PPP6R3: variants seen among roughly 807,000 people sequenced by gnomAD.
The protein encoded by PPP6R3 is protein phosphatase 6 regulatory subunit 3.
In PPP6R3, 38 loss-of-function variants were observed where a neutral mutation model predicts 110.7. The observed-to-expected ratio is 0.34, with a 90% CI of 0.26 to 0.45. The LOEUF (loss-of-function observed/expected upper bound fraction) is 0.45. Ranked by LOEUF, PPP6R3 falls within the 20% of genes least tolerant of loss-of-function variation. PPP6R3 has a pLI of 1.00. For missense variants in PPP6R3, 870 were observed against 1,062.4 expected (o/e 0.82, Z 2.52); for synonymous variants, 369 against 373.5 (o/e 0.99, Z 0.14).
At chr11:68,589,004 C>T (rs1489835932) in intron 16 of PPP6R3, among the ~76,000 whole-genome samples, 5 of 151,794 alleles carry the variant, frequency 3.3e-5, no homozygotes, top group South Asian at 4.2e-4. Context: ...GTTAGGGGTT[C>T]GAGACCAGCC....
chr11:68,540,859 T>A (rs901020372), intron 3 of PPP6R3, among the ~76,000 whole-genome samples: 1 of 152,228 alleles, frequency 6.6e-6, no homozygotes, highest in African/African-American at 2.4e-5. Flanking sequence ...GTTATCTGTC[T>A]TGTTCCCTGA....
intron 7 of PPP6R3, among the ~76,000 whole-genome samples, chr11:68,556,046 A>G (rs2099398165): frequency 6.6e-6 from 1 of 152,230 alleles, no homozygotes; most frequent in Non-Finnish European, 1.5e-5. Context: ...TTATGTGATA[A>G]TATGTAATAT....
Position 68,588,040 on chromosome 11 carries a change from T to A in PPP6R3, c.1730+16T>A. On this transcript the variant is annotated intron_variant, in intron 16 of 23. Coordinates refer to ENST00000393800, the MANE Select transcript of PPP6R3 (RefSeq NM_001164161.2). ...ACATTGGCAAGTGAGTATGTTTTTC[T>A]GTTTCCGCTGTTGCTCTTGCACACC... The A allele has an allele frequency of 5.6e-6, 9 of 1,595,450 alleles. No individual in the cohort carries two copies. The highest frequency in any genetic ancestry group is 5.2e-6 in the Non-Finnish European group (6 of 1,163,004).
chr11:68,573,275 T>A (rs929853268), intron 12 of PPP6R3, among the ~76,000 whole-genome samples: 2 of 150,654 alleles, frequency 1.3e-5, no homozygotes, highest in Non-Finnish European at 3.0e-5. Context: ...CTCAGCCTCC[T>A]GAGTAGCTAG....
At chr11:68,526,012 C>T (rs1054726773) in intron 2 of PPP6R3, among the ~76,000 whole-genome samples, 20 of 152,278 alleles carry the variant, frequency 1.3e-4, no homozygotes, top group Non-Finnish European at 1.8e-4. Flanking sequence ...TGCTGAGGAC[C>T]ACCTCGTATC....
intron 1 of PPP6R3, among the ~76,000 whole-genome samples, chr11:68,508,100 G>A (rs1219606770): frequency 1.4e-5 from 2 of 146,004 alleles, no homozygotes; most frequent in East Asian, 3.9e-4. Context: ...TTTTTTCCCC[G>A]GCCTAAGTGA....
intron 1 of PPP6R3, among the ~76,000 whole-genome samples, chr11:68,513,048 C>T (rs1445109777): frequency 1.3e-5 from 2 of 152,078 alleles, no homozygotes; most frequent in Non-Finnish European, 2.9e-5. Flanking sequence ...CTTTGGACTC[C>T]ACGATATACA....
At chr11:68,565,686 C>T (rs1353225592) in intron 9 of PPP6R3, among the ~76,000 whole-genome samples, 2 of 151,750 alleles carry the variant, frequency 1.3e-5, no homozygotes, top group African/African-American at 2.4e-5. Flanking sequence ...TTCTGGGCCC[C>T]GATTCAAAAG....
At chr11:68,578,446 A>C (rs1176490285) in intron 14 of PPP6R3, among the ~76,000 whole-genome samples, 2 of 152,262 alleles carry the variant, frequency 1.3e-5, no homozygotes, top group Middle Eastern at 3.4e-3. Context: ...TCCCAAATAG[A>C]TAAGATTAGA....
At chr11:68,572,390 A>G (rs566144667) in intron 12 of PPP6R3, among the ~76,000 whole-genome samples, 15 of 152,222 alleles carry the variant, frequency 9.9e-5, no homozygotes, top group Non-Finnish European at 1.9e-4. Flanking sequence ...TCCTTGCACA[A>G]CAGCCTGAAG....
chr11:68,611,783 C>T (rs766163904), intron 23 of PPP6R3, among the ~76,000 whole-genome samples: 4 of 152,148 alleles, frequency 2.6e-5, no homozygotes, highest in African/African-American at 7.2e-5. Flanking sequence ...ACCTAGAGTG[C>T]GTCCTAGATT....
intron 1 of PPP6R3, among the ~76,000 whole-genome samples, chr11:68,494,408 CAAAAAAAA>C (rs35190764): frequency 1.7e-5 from 1 of 60,382 alleles, no homozygotes; most frequent in Non-Finnish European, 3.0e-5. Context: ...CCTGTAATCT[CAAAAAAAA>C]AAAAAAAAAA....
chr11:68,493,562 GCT>G (rs2153447944), intron 1 of PPP6R3, among the ~76,000 whole-genome samples: 1 of 148,084 alleles, frequency 6.8e-6, no homozygotes, highest in South Asian at 2.1e-4. Context: ...CCTCCCAGTA[GCT>G]AGGACAATAG....
intron 1 of PPP6R3, chr11:68,514,947 C>T (rs1457470083): frequency 6.6e-6 from 1 of 152,082 alleles, no homozygotes; most frequent in Admixed American, 6.5e-5. Context: ...TTATTTTTTT[C>T]CAGAATTATA....
At chr11:68,485,549 G>A (rs528806742) in intron 1 of PPP6R3, among the ~76,000 whole-genome samples, 23 of 152,102 alleles carry the variant, frequency 1.5e-4, no homozygotes, top group Non-Finnish European at 2.5e-4. Context: ...AGTTGAGGAA[G>A]CTTCTTACTG....
chr11:68,511,161 G>C (rs940304889), intron 1 of PPP6R3, among the ~76,000 whole-genome samples: 6 of 150,676 alleles, frequency 4.0e-5, no homozygotes, highest in Admixed American at 6.6e-5. Context: ...TCTGCCTCCC[G>C]GGTTCAAGCG....
intron 21 of PPP6R3, 142 bp from the exon 22 acceptor site, chr11:68,603,200 G>A: frequency 9.1e-7 from 1 of 1,098,814 alleles, no homozygotes; most frequent in South Asian, 1.6e-5. Flanking sequence ...ATGTGGCCCA[G>A]ACAACAGCAG....
In PPP6R3 at chr11:68,613,137, C is replaced by CTGACTGAGGACTGCAGACCG; in HGVS notation, c.*21_*40dup. Reference sequence around the variant, plus strand: ...GTATGACGGGTGACGTCTGCTGCTGCTGACTGAGGACTGCAGACCGCCACC... The same window carrying CTGACTGAGGACTGCAGACCG: ...GTATGACGGGTGACGTCTGCTGCTGCTGACTGAGGACTGCAGACCGTGACTGAGGACTGCAGACCGCCACC... On this transcript the variant is annotated 3_prime_UTR_variant, in exon 24 of 24. Coordinates refer to ENST00000393800, the MANE Select transcript of PPP6R3 (RefSeq NM_001164161.2). 6.2e-7 allele frequency: 1 copy of CTGACTGAGGACTGCAGACCG among 1,613,818 alleles called. No homozygotes were observed. The highest frequency in any genetic ancestry group is 1.3e-5 in the African/African-American group (1 of 75,016).
chr11:68,537,018 G>C (rs2099274622), intron 2 of PPP6R3, among the ~76,000 whole-genome samples: 1 of 152,160 alleles, frequency 6.6e-6, no homozygotes, highest in Admixed American at 6.5e-5. Context: ...AACAAACTCT[G>C]TTTTCCTTGT....
Sources: gnomAD v4.1 joint callset for allele counts (sites outside exome capture counted in the v4.1 genomes callset) on GRCh38, gnomAD v4.1.1 for gene constraint, MANE v1.5 for transcripts, NCBI Gene and HGNC (gene_info 2026-07-23, HGNC 2026-07-21) for gene names.